Variants in TGIF1 observed in about 807,000 individuals in gnomAD.
TGIF1 encodes homeobox protein TGIF1.
TGIF1 carries 4 observed loss-of-function variants against 19.3 expected under a neutral mutation model. That is an observed-to-expected ratio of 0.21 (90% CI 0.10 to 0.47). The LOEUF (loss-of-function observed/expected upper bound fraction) is 0.47, where lower values mean the gene tolerates loss of function less well. TGIF1 is among the 20% of genes least tolerant of loss of function. The pLI, the probability that TGIF1 is intolerant of heterozygous loss-of-function variation, is 0.98. For missense variants in TGIF1, 275 were observed against 341.4 expected (o/e 0.81, Z 1.53); for synonymous variants, 122 against 129.3 (o/e 0.94, Z 0.38).
intron 2 of TGIF1, among the ~76,000 whole-genome samples, chr18:3,444,681 G>C (rs1464054247): frequency 2.0e-5 from 3 of 152,080 alleles, no homozygotes; most frequent in African/African-American, 4.8e-5. Context: ...ACCCAGGCTT[G>C]AGTACAGTGG....
intron 2 of TGIF1, among the ~76,000 whole-genome samples, chr18:3,438,839 C>G (rs943204024): frequency 6.6e-6 from 1 of 152,042 alleles, no homozygotes; most frequent in Non-Finnish European, 1.5e-5. Context: ...AGAAGTTTTC[C>G]TTCTGTGATT....
At chr18:3,418,754 T>G (rs59617616) in intron 2 of TGIF1, 1 of 152,318 alleles carries the variant, frequency 6.6e-6, no homozygotes, top group African/African-American at 2.4e-5. Flanking sequence ...CATTGGACTC[T>G]TATTTAGATA....
rs1298241698 is a variant in TGIF1 at position 3,450,225 on chromosome 18, A to G, written c.-265A>G. 3 of 1,407,060 alleles carry G rather than the reference A, an allele frequency of 2.1e-6. No homozygotes were observed. Among genetic ancestry groups the G allele is most frequent in the African/African-American group, 1.5e-5 (1 of 68,862 alleles). The allele number at this position is 1,407,060 out of a possible 1,614,324, so 87.2% of individuals were successfully genotyped here. On this transcript the variant is annotated 5_prime_UTR_variant, in exon 1 of 3. Transcript: ENST00000343820. ...AGGAGCAGGGAACAAAGGAGCGGAG[A>G]GGGGAGGGGAGAGAGTTGGGCGAGG... is the stretch of plus-strand genomic sequence containing the variant.
At chr18:3,445,766 A>AAAG (rs2082737162), upstream of TGIF1, among the ~76,000 whole-genome samples, 1 of 15,830 alleles carries the variant, frequency 6.3e-5, no homozygotes, top group Non-Finnish European at 1.3e-4. Context: ...GAAGAAAAGC[A>AAAG]AAAAAAAAAA....
chr18:3,442,034 G>T (rs1038243079), intron 2 of TGIF1, among the ~76,000 whole-genome samples: 1 of 152,128 alleles, frequency 6.6e-6, no homozygotes, highest in Non-Finnish European at 1.5e-5. Context: ...AGCCCTGTTG[G>T]TATTTTAATG....
chr18:3,449,430 AGTGTCT>A (rs1486612645), upstream of TGIF1: 1 of 985,264 alleles, frequency 1.0e-6, no homozygotes, highest in Non-Finnish European at 1.2e-6. Flanking sequence ...GAGCGTGACA[AGTGTCT>A]GTCCGCAACG....
intron 1 of TGIF1, chr18:3,415,510 A>C (rs1253811944): frequency 2.2e-6 from 1 of 456,124 alleles, no homozygotes; most frequent in African/African-American, 2.0e-5. Context: ...TGCCCAGAAG[A>C]CAGCAATGGT....
At chr18:3,421,640 G>A (rs1328377150) in intron 2 of TGIF1, among the ~76,000 whole-genome samples, 2 of 151,642 alleles carry the variant, frequency 1.3e-5, no homozygotes, top group African/African-American at 2.4e-5. Context: ...TCGAACTCCC[G>A]ACCTCAGGTG....
chr18:3,456,344 C>T lies in TGIF1; in HGVS notation c.17-10C>T. On this transcript the variant is annotated splice_polypyrimidine_tract_variant and intron_variant, in intron 1 of 2. Transcript: ENST00000343820. This position sits in a 1 kb window ranked among gnomAD's most constrained non-coding sequence, Gnocchi z 4.2. ...AAAGCAACTGACAACTGGCCCTTGTCCTTTCCTAGGTATTGTTGCAGCATC... is the reference window on the plus strand; with the variant it reads ...AAAGCAACTGACAACTGGCCCTTGTTCTTTCCTAGGTATTGTTGCAGCATC... 6.2e-7 allele frequency: 1 copy of T among 1,613,622 alleles called. No homozygotes were observed. The highest frequency in any genetic ancestry group is 8.5e-7 in the Non-Finnish European group (1 of 1,179,562).
chr18:3,440,710 A>T (rs1235805689), intron 2 of TGIF1, among the ~76,000 whole-genome samples: 1 of 152,250 alleles, frequency 6.6e-6, no homozygotes, highest in Non-Finnish European at 1.5e-5. Context: ...AACGAAACGT[A>T]AATGTCCGAT....
At chr18:3,447,776 T>G, upstream of TGIF1, 1 of 1,614,184 alleles carries the variant, frequency 6.2e-7, no homozygotes, top group Non-Finnish European at 8.5e-7. Context: ...ATTGGCCCGA[T>G]CAAGCCTGAC....
Position 3,450,175 on chromosome 18 carries a change from C to CT in TGIF1, c.-314dup. 7.6e-7 allele frequency: 1 copy of CT among 1,318,584 alleles called. No homozygotes were observed. Among genetic ancestry groups the CT allele is most frequent in the Non-Finnish European group, 9.7e-7 (1 of 1,030,188 alleles). The allele number at this position is 1,318,584 out of a possible 1,614,324, so 81.7% of individuals were successfully genotyped here. On this transcript the variant is annotated 5_prime_UTR_variant, in exon 1 of 3. Transcript: ENST00000343820. ...ACCTTCCCTCCTCGCCTCTCTCACT[C>CT]TGACAGCGCCGAGGTGCGCCGAGCA...
At chr18:3,428,419 T>C (rs531014748) in intron 2 of TGIF1, among the ~76,000 whole-genome samples, 66 of 152,244 alleles carry the variant, frequency 4.3e-4, no homozygotes, top group Middle Eastern at 3.4e-3. Context: ...AATTTTTTAA[T>C]TAAAATTTTT....
At chr18:3,434,939 T>A (rs1476033345) in intron 2 of TGIF1, among the ~76,000 whole-genome samples, 2 of 152,130 alleles carry the variant, frequency 1.3e-5, no homozygotes, top group Non-Finnish European at 2.9e-5. Context: ...ACTTATACAG[T>A]CTTCATTCTG....
intron 2 of TGIF1, among the ~76,000 whole-genome samples, chr18:3,432,785 G>A (rs965850717): frequency 6.6e-5 from 10 of 151,608 alleles, no homozygotes; most frequent in African/African-American, 2.4e-4. Context: ...TTGAGATGGA[G>A]TTTCACACTT....
intron 2 of TGIF1, among the ~76,000 whole-genome samples, chr18:3,425,045 G>A (rs568394254): frequency 1.3e-5 from 2 of 152,238 alleles, no homozygotes; most frequent in South Asian, 4.1e-4. Context: ...CAGTTGGTCA[G>A]AAGTATTGGT....
chr18:3,438,714 A>G lies in TGIF1; in HGVS notation c.-44-17640A>G, dbSNP rs543062669. ...AAAACAATGTTCCTGGAGATCTCAAAGTGAGATACTGATTTGGTGAACATG... is the reference window on the plus strand; with the variant it reads ...AAAACAATGTTCCTGGAGATCTCAAGGTGAGATACTGATTTGGTGAACATG... On this transcript the variant is annotated intron_variant, in intron 2 of 3. Coordinates refer to the TGIF1 transcript ENST00000401449. Among the ~76,000 whole-genome samples, 82 of 152,222 alleles carry G rather than the reference A, an allele frequency of 5.4e-4. 1 individual carries two copies. In the South Asian group the frequency reaches 0.017, roughly 32 times the overall value.
chr18:3,422,844 C>T (rs1291514103), intron 2 of TGIF1, among the ~76,000 whole-genome samples: 1 of 151,958 alleles, frequency 6.6e-6, no homozygotes, highest in Non-Finnish European at 1.5e-5. Context: ...GCACCCGCCA[C>T]CACGCCCAGC....
chr18:3,444,702 G>C (rs1436514759), intron 2 of TGIF1, among the ~76,000 whole-genome samples: 1 of 151,916 alleles, frequency 6.6e-6, no homozygotes, highest in Admixed American at 6.6e-5. Flanking sequence ...TGCGATCTCG[G>C]TTCACTTAAG....
Sources: allele counts gnomAD v4.1 joint callset (sites outside exome capture counted in the v4.1 genomes callset), GRCh38; gene constraint gnomAD v4.1.1; non-coding constraint Gnocchi (gnomAD v3.1); transcripts MANE v1.5; gene names NCBI Gene and HGNC (gene_info 2026-07-23, HGNC 2026-07-21).